Variants in CCDC187 observed in about 807,000 individuals in gnomAD.
The protein encoded by CCDC187 is coiled-coil domain containing 187, also known as coiled-coil domain-containing protein 187.
In CCDC187, 32 loss-of-function variants were observed where a neutral mutation model predicts 38.0. That is an observed-to-expected ratio of 0.84 (90% CI 0.64 to 1.13). CCDC187 has a LOEUF of 1.13. CCDC187 is among the 50% of genes most tolerant of loss of function. CCDC187 has a pLI of 0.00. For synonymous variants in CCDC187, 333 were observed against 347.9 expected (o/e 0.96, Z 0.48); for missense variants, 707 against 786.8 (o/e 0.90, Z 1.21).
chr9:136,271,776 T>C (rs1588656772), intron 14 of CCDC187, among the ~76,000 whole-genome samples: 2 of 151,572 alleles, frequency 1.3e-5, no homozygotes, highest in African/African-American at 4.8e-5. Flanking sequence ...TCTGGCTAAT[T>C]TTTTGTATTT....
At chr9:136,281,994 C>T (rs1438113701) in intron 9 of CCDC187, among the ~76,000 whole-genome samples, 1 of 152,128 alleles carries the variant, frequency 6.6e-6, no homozygotes, top group African/African-American at 2.4e-5. Context: ...CCTGGCTGCT[C>T]GGAGCTCTGC....
At chr9:136,281,379 C>T (rs1300400764) in intron 10 of CCDC187, 172 bp downstream of exon 10, 1 of 398,410 alleles carries the variant, frequency 2.5e-6, no homozygotes, top group Non-Finnish European at 4.4e-6. Flanking sequence ...CGCAGAGGGT[C>T]CCGAAAGCCT....
intron 7 of CCDC187, 107 bp from the exon 8 acceptor site, chr9:136,286,802 C>T (rs991687192): frequency 2.8e-5 from 11 of 397,656 alleles, no homozygotes; most frequent in South Asian, 2.8e-4. Flanking sequence ...GCGTCTGTGA[C>T]GGACCCAGTG....
intron 3 of CCDC187, among the ~76,000 whole-genome samples, chr9:136,299,498 G>A (rs894312546): frequency 1.3e-5 from 2 of 152,148 alleles, no homozygotes; most frequent in African/African-American, 4.8e-5. Flanking sequence ...GAATCTTGCC[G>A]GCGTCTGCCT....
chr9:136,302,007 C>A (rs1242451515), intron 2 of CCDC187, among the ~76,000 whole-genome samples: 1 of 151,866 alleles, frequency 6.6e-6, no homozygotes, highest in Non-Finnish European at 1.5e-5. Context: ...GTCAGGATTT[C>A]GAGGCCAGCC....
chr9:136,262,075 G>C (rs898423453), intron 19 of CCDC187, among the ~76,000 whole-genome samples: 1 of 152,252 alleles, frequency 6.6e-6, no homozygotes, highest in Non-Finnish European at 1.5e-5. Flanking sequence ...TTAATGAGGC[G>C]CTTTTGTTGC....
chr9:136,273,517 C>T (rs1554762697), intron 14 of CCDC187, among the ~76,000 whole-genome samples: 4 of 152,156 alleles, frequency 2.6e-5, no homozygotes, highest in Non-Finnish European at 4.4e-5. Flanking sequence ...TCAGAATACA[C>T]GAAGCGAAAC....
At chr9:136,295,941 A>G (rs1198128034) in intron 4 of CCDC187, 1 of 152,228 alleles carries the variant, frequency 6.6e-6, no homozygotes, top group Non-Finnish European at 1.5e-5. Flanking sequence ...GGGTCCCTAC[A>G]TCGCAGTCCC....
At chr9:136,296,425 G>C (rs1831536429) in intron 4 of CCDC187, 1 of 152,264 alleles carries the variant, frequency 6.6e-6, no homozygotes, top group Non-Finnish European at 1.5e-5. Context: ...CACACGGCTG[G>C]GCTTCCAGGT....
At chr9:136,285,440 TGGGCAGG>T (rs1831154210) in intron 9 of CCDC187, 66 bp downstream of exon 9, 2 of 31,484 alleles carry the variant, frequency 6.4e-5, no homozygotes, top group African/African-American at 3.1e-4. Context: ...GGTGGGCAGG[TGGGCAGG>T]TGGGCAGGTG....
intron 2 of CCDC187, among the ~76,000 whole-genome samples, chr9:136,302,589 G>A (rs1831712103): frequency 1.3e-5 from 2 of 152,176 alleles, no homozygotes; most frequent in South Asian, 2.1e-4. Flanking sequence ...CCTCCTGGGC[G>A]CTGGCATCTC....
At position 136,251,223 on chromosome 9, in the gene CCDC187, A is replaced by G. The variant is rs1554759367; in HGVS notation, c.*2371T>C. 2.9e-5 allele frequency: 10 copies of G among 341,274 alleles called. No individual in the cohort carries two copies. The highest frequency in any genetic ancestry group is 2.2e-4 in the South Asian group (10 of 45,752). The allele number at this position is 341,274 out of a possible 1,614,324, so 21.1% of individuals were successfully genotyped here. On this transcript the variant is annotated 3_prime_UTR_variant, in exon 26 of 26. Transcript: ENST00000638797. ...TTCAAAAGGGTCCCAGAGAAATTAC[A>G]GGGGTCCCAGTGAATCCTCTGGAAG...
chr9:136,286,931 C>T (rs1332296334), intron 7 of CCDC187, among the ~76,000 whole-genome samples: 2 of 152,164 alleles, frequency 1.3e-5, no homozygotes, highest in Non-Finnish European at 2.9e-5. Context: ...CGGGCACTGC[C>T]GGTGGGGTGT....
intron 18 of CCDC187, 74 bp from the exon 19 acceptor site, chr9:136,262,536 C>A: frequency 2.0e-6 from 2 of 984,948 alleles, no homozygotes; most frequent in Non-Finnish European, 2.4e-6. Flanking sequence ...CTGGTGGCTT[C>A]ACGTGGCTGT....
At position 136,259,395 on chromosome 9, in the gene CCDC187, G is replaced by C; in HGVS notation, c.4264C>G (p.Pro1422Ala). ...PLLGLQHVSP[P>A]DGQRLGPAFP... ...GCTGGGCCCAGCCGCTGTCCGTCCG[G>C]GGGGCTCACGTGCTGCAGGCCCAGC... The change falls in exon 21 of 26, where the codon CCG becomes GCG. Residue 1422 changes from proline (P) to alanine (A), a missense_variant. Coordinates refer to ENST00000638797, the MANE Select transcript of CCDC187 (RefSeq NM_001378188.1). 8 of 985,420 alleles carry C rather than the reference G, an allele frequency of 8.1e-6. No individual in the cohort carries two copies. The highest frequency in any genetic ancestry group is 9.6e-6 in the Non-Finnish European group (8 of 830,074). The allele number at this position is 985,420 out of a possible 1,614,324, so 61.0% of individuals were successfully genotyped here. A position where few individuals can be genotyped will look rare whatever the true frequency, so the allele number is the denominator to read the frequency against.
At chr9:136,282,712 G>A (rs1268695820) in intron 9 of CCDC187, among the ~76,000 whole-genome samples, 2 of 152,244 alleles carry the variant, frequency 1.3e-5, no homozygotes, top group Non-Finnish European at 2.9e-5. Context: ...TCTCACACCT[G>A]CTGTGGGCAG....
chr9:136,293,363 ACATGCTCAC>A (rs1831408870), intron 4 of CCDC187, among the ~76,000 whole-genome samples: 2 of 148,142 alleles, frequency 1.4e-5, no homozygotes, highest in Admixed American at 6.7e-5. Context: ...ACACACATTC[ACATGCTCAC>A]ACACTCACAC....
At chr9:136,296,865 C>T (rs1831547717) in intron 4 of CCDC187, among the ~76,000 whole-genome samples, 1 of 152,186 alleles carries the variant, frequency 6.6e-6, no homozygotes, top group African/African-American at 2.4e-5. Context: ...CTCCGGGAAA[C>T]ACGCATGAAA....
At chr9:136,268,610 C>G (rs1160350326) in intron 14 of CCDC187, among the ~76,000 whole-genome samples, 1 of 152,120 alleles carries the variant, frequency 6.6e-6, no homozygotes, top group Admixed American at 6.5e-5. Flanking sequence ...AAGGACGTTC[C>G]CTCCCACCAA....
Sources: allele counts gnomAD v4.1 joint callset (sites outside exome capture counted in the v4.1 genomes callset), GRCh38; gene constraint gnomAD v4.1.1; transcripts MANE v1.5; gene names NCBI Gene and HGNC (gene_info 2026-07-23, HGNC 2026-07-21).